The following FAM98A variants were observed in gnomAD, a reference collection of about 807,000 sequenced individuals.
FAM98A encodes protein FAM98A.
A neutral mutation model predicts 62.9 loss-of-function variants in FAM98A; 25 were observed. That is an observed-to-expected ratio of 0.40 (90% CI 0.29 to 0.56). The LOEUF is 0.56. Among genes scored for constraint, FAM98A ranks in the 20% least tolerant of loss-of-function variants. The pLI is 0.51. For synonymous variants in FAM98A, 252 were observed against 228.6 expected, an observed-to-expected ratio of 1.10 and a Z score of -0.92; for missense variants, 653 against 640.7, an observed-to-expected ratio of 1.02 and a Z score of -0.21.
rs147004373 is a variant in FAM98A at position 33,586,639 on chromosome 2, A to G, written c.643T>C (p.Tyr215His). 9.3e-6 allele frequency: 15 copies of G among 1,613,776 alleles called. No homozygotes were observed. In the Admixed American group the frequency reaches 2.3e-4, roughly 25 times the overall value. The change falls in exon 6 of 8, where the codon TAT becomes CAT. Residue 215 changes from tyrosine (Y) to histidine (H), a missense_variant. By Grantham distance (83) the Tyr-to-His change is moderately conservative. Transcript: ENST00000238823. ...EAINQAIANE[Y>H]EVRRKLLIKR... ...ATTAGCAGCTTTCTCCGGACTTCAT[A>G]TTCATTGGCTATGGCTTGGTTAATT...
chr2:33,592,297 G>A, intron 2 of FAM98A, 83 bp from the exon 3 acceptor site: 2 of 1,111,286 alleles, frequency 1.8e-6, no homozygotes, highest in South Asian at 1.7e-5. Flanking sequence ...AATTGAAATT[G>A]TTAATAGGAT....
rs1677576710 is a variant in FAM98A, at chr2:33,587,265, T to C, written c.578A>G (p.Lys193Arg). The C allele has an allele frequency of 1.2e-6, 2 of 1,613,050 alleles. No homozygotes were observed. The highest frequency in any genetic ancestry group is 2.7e-5 in the African/African-American group (2 of 74,914). Residue 193 changes from lysine (K) to arginine (R), a missense_variant, in exon 5 of 8, where the codon AAG becomes AGG. Physicochemically the swap from Lys to Arg is conservative, Grantham distance 26. Coordinates refer to ENST00000238823, the MANE Select transcript of FAM98A (RefSeq NM_015475.5). ...PPNHVGKPLL[K>R]KPMGPAHWEK... ...CCAGTGGGCTGGTCCCATTGGCTTCTTCAGTAAAGGCTTTCCCACATGATT... is the reference window on the plus strand; with the variant it reads ...CCAGTGGGCTGGTCCCATTGGCTTCCTCAGTAAAGGCTTTCCCACATGATT...
At chr2:33,587,219 C>T in intron 5 of FAM98A, 21 bp downstream of exon 5, 1 of 1,462,336 alleles carries the variant, frequency 6.8e-7, no homozygotes, top group Non-Finnish European at 9.6e-7. Context: ...ACAAAGTTTA[C>T]TCAAGATGAT....
Position 33,585,429 on chromosome 2 carries a change from C to G in FAM98A, c.904G>C (p.Val302Leu), listed in dbSNP as rs773087017. The G allele has an allele frequency of 6.2e-7, 1 of 1,614,140 alleles. No homozygotes were observed. Among genetic ancestry groups the G allele is most frequent in the Middle Eastern group, 1.6e-4 (1 of 6,062 alleles). Residue 302 changes from valine (V) to leucine (L), a missense_variant, in exon 8 of 8, where the codon GTG becomes CTG. Transcript: ENST00000238823. Reference protein sequence around the residue: ...CAINKVLMGRVPDRGGRPNEI... With the variant: ...CAINKVLMGRLPDRGGRPNEI... ...TTGGGTCTACCACCTCTGTCAGGCA[C>G]CCTGCCCATCAACACCTACAGAATA...
intron 4 of FAM98A, chr2:33,588,033 T>A (rs1410400309): frequency 6.1e-6 from 2 of 325,540 alleles, no homozygotes; most frequent in Non-Finnish European, 1.2e-5. Flanking sequence ...GATAAAATAA[T>A]TTTTAAAAGG....
At chr2:33,595,441 C>G in intron 2 of FAM98A, 48 bp downstream of exon 2, 2 of 1,501,502 alleles carry the variant, frequency 1.3e-6, no homozygotes, top group Non-Finnish European at 1.8e-6. Context: ...TTGACAATAC[C>G]TCAATGTTAT....
intron 1 of FAM98A, among the ~76,000 whole-genome samples, chr2:33,597,258 C>T (rs1677834061): frequency 1.3e-5 from 2 of 152,102 alleles, no homozygotes; most frequent in Non-Finnish European, 2.9e-5. Flanking sequence ...ACTCCGGAGC[C>T]TGAAGTGGGA....
At chr2:33,597,608 A>G (rs934790089) in intron 1 of FAM98A, among the ~76,000 whole-genome samples, 1 of 152,228 alleles carries the variant, frequency 6.6e-6, no homozygotes, top group Non-Finnish European at 1.5e-5. Context: ...AAAAAAGACA[A>G]TAATGGGAAG....
intron 1 of FAM98A, among the ~76,000 whole-genome samples, chr2:33,598,336 A>G (rs1325662367): frequency 6.6e-6 from 1 of 152,224 alleles, no homozygotes; most frequent in Non-Finnish European, 1.5e-5. Flanking sequence ...TAACCATACA[A>G]TTTGTTTCTG....
At position 33,584,937 on chromosome 2, in the gene FAM98A, C is replaced by A; in HGVS notation, c.1396G>T (p.Gly466Cys). 1 of 1,614,048 alleles carries A rather than the reference C, an allele frequency of 6.2e-7. No individual in the cohort carries two copies. The highest frequency in any genetic ancestry group is 8.5e-7 in the Non-Finnish European group (1 of 1,180,004). Residue 466 changes from glycine (G) to cysteine (C), a missense_variant, in exon 8 of 8, where the codon GGT (glycine) becomes TGT (cysteine). Physicochemically the swap from Gly to Cys is radical, Grantham distance 159 (BLOSUM62 -3). Coordinates refer to ENST00000238823, the MANE Select transcript of FAM98A (RefSeq NM_015475.5). ...DRGGGRGGRG[G>C]RGGRGGRAGQ... is the part of the protein sequence containing the mutation. ...GCACGACCACCTCGGCCTCCACGAC[C>A]ACCTCGCCCACCACGACCACCACCA...
intron 4 of FAM98A, chr2:33,587,768 T>A: frequency 5.9e-6 from 1 of 169,402 alleles, no homozygotes; most frequent in Non-Finnish European, 1.3e-5. Context: ...CTCATTTTTG[T>A]TAAAATTGCT....
chr2:33,585,115 T>C lies in FAM98A; in HGVS notation c.1218A>G (p.Pro406=), dbSNP rs1222796480. The change falls in exon 8 of 8, where the codon CCA becomes CCG. Residue 406 remains proline, a synonymous_variant. Coordinates refer to ENST00000238823, the MANE Select transcript of FAM98A (RefSeq NM_015475.5). ...DGGYRDSGFQ[P]GGYHGGHSSG... ...TGCTGTGGCCACCATGATAGCCACC[T>C]GGCTGGAAACCTGAATCTCGATAAC... 1.2e-6 allele frequency: 2 copies of C among 1,614,182 alleles called. No individual in the cohort carries two copies. The highest frequency in any genetic ancestry group is 4.5e-5 in the East Asian group (2 of 44,878).
At position 33,584,574 on chromosome 2, in the gene FAM98A, T is replaced by A; in HGVS notation, c.*202A>T. On this transcript the variant is annotated 3_prime_UTR_variant, in exon 8 of 8. Transcript: ENST00000238823. The stretch of plus-strand genomic sequence containing the variant: ...TTTTTCATAGAAAGGAGAGATGTTA[T>A]GTGTTTCTCAAATAAACGGCATTAT... 3.8e-6 allele frequency: 2 copies of A among 526,268 alleles called. No individual in the cohort carries two copies. Among genetic ancestry groups the A allele is most frequent in the Non-Finnish European group, 6.6e-6 (2 of 302,792 alleles). The allele number at this position is 526,268 out of a possible 1,614,324, so 32.6% of individuals were successfully genotyped here.
rs572352327 is a variant in FAM98A, at chr2:33,595,074, T to C, written c.202+415A>G. Among the ~76,000 whole-genome samples the C allele has an allele frequency of 5.9e-5, 9 of 152,316 alleles. No homozygotes were observed. The East Asian group carries it at 1.5e-3, about 26-fold the overall frequency. On this transcript the variant is annotated intron_variant, in intron 2 of 7. Transcript: ENST00000238823. ...AAAGTGTTCTCTTTCTCCCCAAGCA[T>C]AACAGAATAATAATGCATTTACTCT...
intron 1 of FAM98A, among the ~76,000 whole-genome samples, 186 bp downstream of exon 1, chr2:33,598,983 G>C (rs1316846991): frequency 1.3e-5 from 2 of 152,110 alleles, no homozygotes; most frequent in African/African-American, 4.8e-5. Flanking sequence ...GTTGGGATTG[G>C]AGGACCCCGA....
chr2:33,594,359 A>C (rs1188233951), intron 2 of FAM98A, among the ~76,000 whole-genome samples: 1 of 151,766 alleles, frequency 6.6e-6, no homozygotes, highest in Non-Finnish European at 1.5e-5. Flanking sequence ...GGAGTTAAAA[A>C]ATGAGAACAC....
At chr2:33,593,083 G>GT (rs759775266) in intron 2 of FAM98A, among the ~76,000 whole-genome samples, 1 of 152,098 alleles carries the variant, frequency 6.6e-6, no homozygotes, top group Non-Finnish European at 1.5e-5. Context: ...TCCTCTCTCT[G>GT]TGAACCACAA....
At chr2:33,595,779 TATAAAC>T in intron 1 of FAM98A, 142 bp from the exon 2 acceptor site, 1 of 562,730 alleles carries the variant, frequency 1.8e-6, no homozygotes, top group Non-Finnish European at 2.9e-6. Flanking sequence ...AATGGACAAA[TATAAAC>T]ATAATTTAGA....
At chr2:33,589,451 G>T (rs1015465584) in intron 3 of FAM98A, 1 of 152,018 alleles carries the variant, frequency 6.6e-6, no homozygotes, top group Non-Finnish European at 1.5e-5. Flanking sequence ...ACCAGTTTTG[G>T]GAAAAGATAT....
Sources: allele counts gnomAD v4.1 joint callset (sites outside exome capture counted in the v4.1 genomes callset), GRCh38; gene constraint gnomAD v4.1.1; transcripts MANE v1.5; gene names NCBI Gene and HGNC (gene_info 2026-07-23, HGNC 2026-07-21).